LRRC47: variants seen among roughly 807,000 people sequenced by gnomAD.
The protein encoded by LRRC47 is leucine-rich repeat-containing protein 47.
Under a neutral mutation model 40.9 loss-of-function variants are expected in LRRC47, and 31 were observed. That is an observed-to-expected ratio of 0.76 (90% CI 0.57 to 1.02). LRRC47 has a LOEUF of 1.02. Among genes scored for constraint, LRRC47 ranks in the 50% least tolerant of loss-of-function variants. The probability of loss-of-function intolerance (pLI) is 0.00; values close to 1 mark genes in which losing one functional copy is unlikely to be tolerated. For missense variants in LRRC47, 726 were observed against 796.1 expected, an observed-to-expected ratio of 0.91 and a Z score of 1.06; for synonymous variants, 427 against 371.9, an observed-to-expected ratio of 1.15 and a Z score of -1.70.
chr1:3,781,609 GAAAAAAACATTTCAGAA>G lies in LRRC47; in HGVS notation c.1414-25_1414-9del. 1 of 1,603,020 alleles carries G rather than the reference GAAAAAAACATTTCAGAA, an allele frequency of 6.2e-7. No homozygotes were observed. Among genetic ancestry groups the G allele is most frequent in the East Asian group, 2.2e-5 (1 of 44,698 alleles). On this transcript the variant is annotated splice_polypyrimidine_tract_variant and intron_variant, in intron 5 of 6. Coordinates refer to ENST00000378251, the MANE Select transcript of LRRC47 (RefSeq NM_020710.3). The stretch of plus-strand genomic sequence containing the variant: ...AGAAGTCGTTTTCTTAACCTTAAAA[GAAAAAAACATTTCAGAA>G]AAGAACAGTTATCAAATGTAGACAT...
chr1:3,786,750 A>G (rs888089865), intron 2 of LRRC47, 99 bp downstream of exon 2: 59 of 1,173,384 alleles, frequency 5.0e-5, no homozygotes, highest in Non-Finnish European at 6.5e-5. Flanking sequence ...CCCATACTCC[A>G]CTGCTGCTCC....
intron 5 of LRRC47, 87 bp from the exon 6 acceptor site, chr1:3,781,688 A>G: frequency 8.9e-7 from 1 of 1,122,300 alleles, no homozygotes; most frequent in Non-Finnish European, 1.3e-6. Context: ...AAAAATCTAC[A>G]AAACTGTGTG....
At chr1:3,788,098 C>T (rs1643594444) in intron 1 of LRRC47, among the ~76,000 whole-genome samples, 1 of 152,266 alleles carries the variant, frequency 6.6e-6, no homozygotes, top group African/African-American at 2.4e-5. Flanking sequence ...CTTAGGATGT[C>T]TTTCCCAGGG....
rs911978494 is a variant in LRRC47 at position 3,796,300 on chromosome 1, G to A, written c.177C>T (p.Gly59=). The change falls in exon 1 of 7, where the codon GGC becomes GGT. Residue 59 remains glycine, a synonymous_variant. Coordinates refer to ENST00000378251, the MANE Select transcript of LRRC47 (RefSeq NM_020710.3). The part of the protein sequence containing the change: ...LPLLHYLEVS[G]CGSLRAPGPG... Reference sequence around the variant, plus strand: ...GCCCCGGCGCGCGCAAGCTCCCGCAGCCGCTCACTTCCAAGTAGTGCAGCA... The same window carrying A: ...GCCCCGGCGCGCGCAAGCTCCCGCAACCGCTCACTTCCAAGTAGTGCAGCA... 6.7e-6 allele frequency: 10 copies of A among 1,486,438 alleles called. No individual in the cohort carries two copies. In the African/African-American group the frequency reaches 8.8e-5, roughly 13 times the overall value. 92.1% of individuals were successfully genotyped at this position (1,486,438 alleles called of 1,614,324 possible). A position where few individuals can be genotyped will look rare whatever the true frequency, so the allele number is the denominator to read the frequency against.
At chr1:3,789,946 C>T (rs958927747) in intron 1 of LRRC47, among the ~76,000 whole-genome samples, 2 of 152,172 alleles carry the variant, frequency 1.3e-5, no homozygotes, top group African/African-American at 2.4e-5. Flanking sequence ...CAGGCGCGCC[C>T]GCAAGGATGT....
At chr1:3,789,383 T>C (rs985834077) in intron 1 of LRRC47, among the ~76,000 whole-genome samples, 4 of 152,264 alleles carry the variant, frequency 2.6e-5, no homozygotes, top group Non-Finnish European at 4.4e-5. Flanking sequence ...TCAAAAAGCT[T>C]GAGAGTTCCC....
intron 1 of LRRC47, among the ~76,000 whole-genome samples, chr1:3,790,672 G>C (rs1643619059): frequency 6.6e-6 from 1 of 152,270 alleles, no homozygotes; most frequent in Non-Finnish European, 1.5e-5. Flanking sequence ...GGGGAAGCCA[G>C]GCTCCCACGC....
Position 3,780,891 on chromosome 1 carries a change from GC to G in LRRC47, c.*196del. 1 of 732,274 alleles carries G rather than the reference GC, an allele frequency of 1.4e-6. No individual in the cohort carries two copies. The highest frequency in any genetic ancestry group is 2.2e-6 in the Non-Finnish European group (1 of 464,092). 45.4% of individuals were successfully genotyped at this position (732,274 alleles called of 1,614,324 possible). ...CTTGGGAGGCTGAGGCAGGAGAATC[GC>G]TTGAACCCAGGAGACACAGGCTGCA... On this transcript the variant is annotated 3_prime_UTR_variant, in exon 7 of 7. Coordinates refer to ENST00000378251, the MANE Select transcript of LRRC47 (RefSeq NM_020710.3).
Position 3,796,005 on chromosome 1 carries a change from G to C in LRRC47, c.472C>G (p.Leu158Val). Residue 158 changes from leucine to valine, a missense_variant, in exon 1 of 7, where the codon CTC (leucine) becomes GTC (valine). Physicochemically the swap from Leu to Val is conservative, Grantham distance 32 (BLOSUM62 1). Transcript: ENST00000378251. ...LARCAPRLQS[L>V]NLTGNCLDSF... ...TCTAGGCAATTGCCGGTGAGGTTGA[G>C]GCTCTGCAGGCGCGGGGCGCAGCGC... 6.4e-7 allele frequency: 1 copy of C among 1,560,406 alleles called. No homozygotes were observed. Among genetic ancestry groups the C allele is most frequent in the Non-Finnish European group, 8.7e-7 (1 of 1,154,268 alleles).
At chr1:3,784,631 C>T (rs751456972) in intron 3 of LRRC47, among the ~76,000 whole-genome samples, 4 of 152,224 alleles carry the variant, frequency 2.6e-5, no homozygotes, top group Non-Finnish European at 4.4e-5. Context: ...TGCACCGCTT[C>T]GAGTAACCGC....
chr1:3,784,832 C>A (rs890123870), intron 3 of LRRC47, among the ~76,000 whole-genome samples: 5 of 152,254 alleles, frequency 3.3e-5, no homozygotes, highest in African/African-American at 1.2e-4. Flanking sequence ...CTCGTCTCTA[C>A]TAAAAATACA....
At chr1:3,786,781 G>A in intron 2 of LRRC47, 68 bp downstream of exon 2, 2 of 1,422,334 alleles carry the variant, frequency 1.4e-6, no homozygotes, top group Non-Finnish European at 1.9e-6. Flanking sequence ...CTGGCCTCAG[G>A]ATGTGTCCCA....
intron 4 of LRRC47, among the ~76,000 whole-genome samples, chr1:3,783,517 G>A (rs1470385275): frequency 2.0e-5 from 3 of 152,014 alleles, no homozygotes; most frequent in East Asian, 3.9e-4. Context: ...AATATCAAGG[G>A]CCCAAGCATA....
Position 3,787,080 on chromosome 1 carries a change from C to T in LRRC47, c.846G>A (p.Arg282=). ...AEGSEKEESR[R]KRRERKQRRE... is the part of the protein sequence containing the mutation. ...GCCTCTGCTTCCTCTCCCTCCTCTT[C>T]CTCCGGCTCTCTTCCTTCTCCGAGC... The change falls in exon 2 of 7, where the codon AGG becomes AGA. Residue 282 remains arginine (R), a synonymous_variant. Coordinates refer to ENST00000378251, the MANE Select transcript of LRRC47 (RefSeq NM_020710.3). 1.9e-6 allele frequency: 3 copies of T among 1,614,008 alleles called. No individual in the cohort carries two copies. Among genetic ancestry groups the T allele is most frequent in the Non-Finnish European group, 2.5e-6 (3 of 1,179,986 alleles).
chr1:3,795,236 C>T (rs1178808987), intron 1 of LRRC47, among the ~76,000 whole-genome samples: 1 of 152,102 alleles, frequency 6.6e-6, no homozygotes, highest in Non-Finnish European at 1.5e-5. Context: ...ATTCAATGGG[C>T]ACCTGTTATA....
intron 1 of LRRC47, among the ~76,000 whole-genome samples, chr1:3,788,573 T>C (rs996890132): frequency 1.3e-5 from 2 of 151,412 alleles, no homozygotes; most frequent in Admixed American, 6.6e-5. Flanking sequence ...ATGGCAGGGG[T>C]GATGGAATTT....
At position 3,780,033 on chromosome 1, in the gene LRRC47, G is replaced by A. The variant is rs1643503190; in HGVS notation, c.*1055C>T. 1 of 152,184 alleles carries A rather than the reference G, an allele frequency of 6.6e-6. No homozygotes were observed. 9.4% of individuals were successfully genotyped at this position (152,184 alleles called of 1,614,324 possible). On this transcript the variant is annotated 3_prime_UTR_variant, in exon 7 of 7. Coordinates refer to ENST00000378251, the MANE Select transcript of LRRC47 (RefSeq NM_020710.3). Reference sequence around the variant, plus strand: ...CCTTGCACATGCCAAGCTGCATCCTGGCATGATATGGTTTTACAAGATGCT... The same window carrying A: ...CCTTGCACATGCCAAGCTGCATCCTAGCATGATATGGTTTTACAAGATGCT...
rs757591546 is a variant in LRRC47 at position 3,781,046 on chromosome 1, C to T, written c.*42G>A. 3 of 1,596,260 alleles carry T rather than the reference C, an allele frequency of 1.9e-6. No homozygotes were observed. In the African/African-American group the frequency reaches 4.0e-5, roughly 21 times the overall value. ...ATTCAGCATTGCCGCATAGAAACCTCCGCAAAACCGGCCAAACAAACGCGG... is the reference window on the plus strand; with the variant it reads ...ATTCAGCATTGCCGCATAGAAACCTTCGCAAAACCGGCCAAACAAACGCGG... On this transcript the variant is annotated 3_prime_UTR_variant, in exon 7 of 7. Transcript: ENST00000378251.
chr1:3,787,358 G>C, intron 1 of LRRC47, 48 bp from the exon 2 acceptor site: 1 of 1,547,046 alleles, frequency 6.5e-7, no homozygotes, highest in African/African-American at 1.4e-5. Context: ...TCTGGGAAGA[G>C]AGTCCAAGGT....
Sources: allele counts gnomAD v4.1 joint callset (sites outside exome capture counted in the v4.1 genomes callset), GRCh38; gene constraint gnomAD v4.1.1; transcripts MANE v1.5; gene names NCBI Gene and HGNC (gene_info 2026-07-23, HGNC 2026-07-21).